Variants in FRMPD4 observed in about 807,000 individuals in gnomAD.
FRMPD4 encodes the protein FERM and PDZ domain containing 4.
Under a neutral mutation model 94.1 loss-of-function variants are expected in FRMPD4, and 22 were observed. The observed-to-expected ratio is 0.23, with a 90% CI of 0.17 to 0.33. The LOEUF (loss-of-function observed/expected upper bound fraction) is 0.33, where lower values mean the gene tolerates loss of function less well. Among genes scored for constraint, FRMPD4 ranks in the 10% least tolerant of loss-of-function variants. The probability of loss-of-function intolerance (pLI) is 1.00; values close to 1 mark genes in which losing one functional copy is unlikely to be tolerated. For synonymous variants in FRMPD4, 631 were observed against 548.6 expected (o/e 1.15, Z -2.10); for missense variants, 1,111 against 1,339.9 (o/e 0.83, Z 2.67).
At chrX:12,715,683 C>T (rs1448351810) in intron 14 of FRMPD4, among the ~76,000 whole-genome samples, 3 of 112,277 alleles carry the variant, frequency 2.7e-5, no homozygotes, top group South Asian at 3.8e-4. Context: ...TCTGGAATAA[C>T]GGCCTATTGA....
intron 2 of FRMPD4, among the ~76,000 whole-genome samples, chrX:12,539,357 A>C (rs1359909338): frequency 8.9e-6 from 1 of 112,121 alleles, no homozygotes; most frequent in Non-Finnish European, 1.9e-5. Flanking sequence ...AAGTTGGAAA[A>C]CACTCTGCAG....
At chrX:12,225,293 G>T (rs773950333) in intron 1 of FRMPD4, among the ~76,000 whole-genome samples, 1 of 111,861 alleles carries the variant, frequency 8.9e-6, no homozygotes, top group Non-Finnish European at 1.9e-5. Flanking sequence ...TAACAGTAAG[G>T]TTGTGTGTAT....
At chrX:12,293,923 G>C (rs1385472522) in intron 1 of FRMPD4, among the ~76,000 whole-genome samples, 1 of 112,232 alleles carries the variant, frequency 8.9e-6, no homozygotes, top group African/African-American at 3.2e-5. Flanking sequence ...CTTATGGAAA[G>C]AATAGACTAA....
intron 1 of FRMPD4, among the ~76,000 whole-genome samples, chrX:12,188,719 T>G (rs1322528503): frequency 8.9e-6 from 1 of 111,997 alleles, no homozygotes; most frequent in Non-Finnish European, 1.9e-5. Context: ...GCTTATGTTT[T>G]GCCAGCTGTC....
At chrX:12,103,074 C>G (rs1295002894) in intron 3 of FRMPD4, among the ~76,000 whole-genome samples, 1 of 111,457 alleles carries the variant, frequency 9.0e-6, no homozygotes, top group African/African-American at 3.3e-5. Context: ...TGAGATTCCC[C>G]CAGGAAGTGT....
intron 3 of FRMPD4, among the ~76,000 whole-genome samples, chrX:12,007,321 G>A (rs1013505560): frequency 3.6e-5 from 4 of 112,369 alleles, no homozygotes; most frequent in Non-Finnish European, 5.6e-5. Context: ...GCTGAAGGTG[G>A]CCCTGTTCAC....
rs377095239 is a variant in FRMPD4 at position 11,876,022 on chromosome X, C to A, written c.-29-1873C>A. 2.5e-4 allele frequency among the ~76,000 whole-genome samples: 27 copies of A among 109,265 alleles called. 1 individual carries two copies. In the East Asian group the frequency reaches 6.6e-3, roughly 27 times the overall value. The allele number at this position is 109,265 out of a possible 115,157, so 94.9% of individuals were successfully genotyped here. The stretch of plus-strand genomic sequence containing the variant: ...TCCGGAGTAGCTGGGACTACAGGCA[C>A]CCACCACCATGCCCGGCTAATTTTT... On this transcript the variant is annotated intron_variant, in intron 2 of 18. Transcript: ENST00000640291.
At chrX:12,622,015 A>G (rs6641064) in intron 4 of FRMPD4, among the ~76,000 whole-genome samples, 593 of 21,849 alleles carry the variant, frequency 0.027, 11 homozygotes, top group East Asian at 0.057. Context: ...AGAAAGAAAG[A>G]AAGGAAGGAA....
intron 1 of FRMPD4, among the ~76,000 whole-genome samples, chrX:12,257,182 A>G (rs1390608382): frequency 8.9e-6 from 1 of 112,141 alleles, no homozygotes; most frequent in Non-Finnish European, 1.9e-5. Flanking sequence ...ACAAGTCATT[A>G]TGTTTCACCA....
At chrX:12,343,679 C>T (rs1446279343) in intron 1 of FRMPD4, among the ~76,000 whole-genome samples, 2 of 111,615 alleles carry the variant, frequency 1.8e-5, no homozygotes, top group Admixed American at 9.5e-5. Flanking sequence ...GTGAAACTGT[C>T]GCTGACCTCT....
intron 1 of FRMPD4, among the ~76,000 whole-genome samples, chrX:12,265,546 T>C (rs1489223181): frequency 8.9e-6 from 1 of 112,022 alleles, no homozygotes; most frequent in East Asian, 2.8e-4. Context: ...TTGTAGACAC[T>C]ACCCCTTGGG....
At chrX:12,146,225 G>A (rs5978487) in intron 1 of FRMPD4, among the ~76,000 whole-genome samples, 25,963 of 109,601 alleles carry the variant, frequency 0.24, 4,210 homozygotes, top group African/African-American at 0.58. Context: ...TTAGCCGGGC[G>A]TGGTGGCGGG....
chrX:12,049,990 A>T (rs2054807996), intron 3 of FRMPD4, among the ~76,000 whole-genome samples: 1 of 112,396 alleles, frequency 8.9e-6, no homozygotes, highest in Non-Finnish European at 1.9e-5. Flanking sequence ...TCAAAAAGTT[A>T]AAGTTTAAAG....
intron 3 of FRMPD4, among the ~76,000 whole-genome samples, chrX:11,947,885 G>A (rs1025195227): frequency 2.8e-5 from 3 of 108,786 alleles, no homozygotes; most frequent in African/African-American, 6.6e-5. Context: ...TTGGGAGTTC[G>A]AGACCAGCAG....
At position 12,242,665 on chromosome X, in the gene FRMPD4, T is replaced by G. The variant is rs149677889; in HGVS notation, c.41+103653T>G. ...ACAAACACACTACTGCCAATAAACA[T>G]TGGATTGACCTGTATGCAAAGTATA... is the stretch of plus-strand genomic sequence containing the variant. On this transcript the variant is annotated intron_variant, in intron 1 of 16. Transcript: ENST00000675598. 5.5e-3 allele frequency among the ~76,000 whole-genome samples: 617 copies of G among 112,584 alleles called. 2 individuals are homozygous for G. The highest frequency in any genetic ancestry group is 0.019 in the African/African-American group (593 of 31,010).
intron 3 of FRMPD4, among the ~76,000 whole-genome samples, chrX:12,613,380 C>A (rs766878097): frequency 7.1e-5 from 8 of 112,160 alleles, no homozygotes; most frequent in African/African-American, 2.6e-4. Context: ...AAGCTAAGAT[C>A]TAGTCCGTCC....
Position 11,899,383 on chromosome X carries a change from C to CT in FRMPD4, c.95+21382dup, listed in dbSNP as rs36015171. Among the ~76,000 whole-genome samples the CT allele has an allele frequency of 7.9e-3, 650 of 82,686 alleles. 3 individuals carry two copies. The highest frequency in any genetic ancestry group is 0.019 in the Middle Eastern group (3 of 161). 71.8% of individuals were successfully genotyped at this position (82,686 alleles called of 115,157 possible). On this transcript the variant is annotated intron_variant, in intron 3 of 18. Transcript: ENST00000640291. ...TGCTGTGACTCACGAGTGATGTTGA[C>CT]TTTTTTTTTTTTTTTTTGCAGCTGA...
intron 1 of FRMPD4, among the ~76,000 whole-genome samples, chrX:12,240,248 A>G (rs1375276244): frequency 8.9e-6 from 1 of 112,182 alleles, no homozygotes; most frequent in African/African-American, 3.2e-5. Flanking sequence ...CCCTTTACAG[A>G]AAAAGTTTGG....
intron 3 of FRMPD4, among the ~76,000 whole-genome samples, chrX:11,910,497 C>T (rs1015647700): frequency 9.0e-6 from 1 of 110,622 alleles, no homozygotes; most frequent in South Asian, 3.9e-4. Context: ...TCGGCTCACT[C>T]TAACCTCCCA....
Sources: allele counts gnomAD v4.1 joint callset (sites outside exome capture counted in the v4.1 genomes callset), GRCh38; gene constraint gnomAD v4.1.1; transcripts MANE v1.5; gene names NCBI Gene and HGNC (gene_info 2026-07-23, HGNC 2026-07-21).